The following CREBBP variants were observed in gnomAD, a reference collection of about 807,000 sequenced individuals.
CREBBP encodes the protein CREB-binding protein.
In CREBBP, 19 loss-of-function variants were observed where a neutral mutation model predicts 265.0. That is an observed-to-expected ratio of 0.07 (90% CI 0.05 to 0.11). The LOEUF is 0.11. Ranked by LOEUF, CREBBP falls within the 10% of genes least tolerant of loss-of-function variation. CREBBP has a pLI of 1.00. For synonymous variants in CREBBP, 1,457 were observed against 1,223.7 expected, an observed-to-expected ratio of 1.19 and a Z score of -3.98; for missense variants, 2,525 against 3,219.0, an observed-to-expected ratio of 0.78 and a Z score of 5.22.
intron 3 of CREBBP, among the ~76,000 whole-genome samples, chr16:3,807,835 T>C (rs2053860128): frequency 6.6e-6 from 1 of 152,198 alleles, no homozygotes; most frequent in African/African-American, 2.4e-5. Context: ...CTCTGGTTCC[T>C]ACCACTATGT....
Position 3,739,713 on chromosome 16 carries a change from G to A in CREBBP, c.4145C>T (p.Ser1382Phe), listed in dbSNP as rs149877180. ...TGGGAAAGATTCAGACATTTCCCCA[G>A]AATCCACAAACCTGAAACAAAAGCC... ...KPGMKSRFVDSGEMSESFPYR... is the reference protein window; with the variant it reads ...KPGMKSRFVDFGEMSESFPYR... Residue 1382 changes from serine to phenylalanine, a missense_variant, in exon 25 of 31, where the codon TCT (serine) becomes TTT (phenylalanine). Physicochemically the swap from Ser to Phe is radical, Grantham distance 155 (BLOSUM62 -2). Coordinates refer to ENST00000262367, the MANE Select transcript of CREBBP (RefSeq NM_004380.3). 2.5e-6 allele frequency: 4 copies of A among 1,614,232 alleles called. No individual in the cohort carries two copies. Among genetic ancestry groups the A allele is most frequent in the Non-Finnish European group, 3.4e-6 (4 of 1,180,042 alleles).
At chr16:3,769,474 C>T (rs567311879) in intron 14 of CREBBP, 121 bp from the exon 15 acceptor site, 2 of 1,262,610 alleles carry the variant, frequency 1.6e-6, no homozygotes, top group Non-Finnish European at 1.1e-6. Context: ...CCAGCAGGTG[C>T]CCTTCTGTGA....
chr16:3,859,023 T>A (rs978500967), intron 1 of CREBBP, among the ~76,000 whole-genome samples: 1 of 152,182 alleles, frequency 6.6e-6, no homozygotes, highest in African/African-American at 2.4e-5. Flanking sequence ...CTCTCTCACA[T>A]CCCTATTTCC....
chr16:3,861,532 T>C lies in CREBBP; in HGVS notation c.86-10523A>G, dbSNP rs192475039. Among the ~76,000 whole-genome samples, 23 of 152,142 alleles carry C rather than the reference T, an allele frequency of 1.5e-4. No homozygotes were observed. In the East Asian group the frequency reaches 4.1e-3, roughly 27 times the overall value. On this transcript the variant is annotated intron_variant, in intron 1 of 30. Coordinates refer to ENST00000262367, the MANE Select transcript of CREBBP (RefSeq NM_004380.3). ...AACAGCCGCCACTTATCAATGGTAG[T>C]GACTTGCTAATAAACTCATCCCTGC...
At position 3,793,728 on chromosome 16, in the gene CREBBP, C is replaced by G. The variant is rs538317949; in HGVS notation, c.976-102G>C. On this transcript the variant is annotated intron_variant, in intron 3 of 30. Coordinates refer to ENST00000262367, the MANE Select transcript of CREBBP (RefSeq NM_004380.3). ...AAAAGCAAAAGCTGATGGATAATACCGACCACAGAGAGAAGGCTGGTGTAG... is the reference window on the plus strand; with the variant it reads ...AAAAGCAAAAGCTGATGGATAATACGGACCACAGAGAGAAGGCTGGTGTAG... The G allele has an allele frequency of 1.9e-4, 258 of 1,370,358 alleles. 5 individuals are homozygous for G. In the South Asian group the frequency reaches 3.1e-3, roughly 17 times the overall value. 84.9% of individuals were successfully genotyped at this position (1,370,358 alleles called of 1,614,324 possible). A position where few individuals can be genotyped will look rare whatever the true frequency, so the allele number is the denominator to read the frequency against.
intron 2 of CREBBP, among the ~76,000 whole-genome samples, chr16:3,835,576 CTTTTTTTT>C (rs1021938849): frequency 8.5e-6 from 1 of 117,488 alleles, no homozygotes; most frequent in South Asian, 2.7e-4. Context: ...AAGATTTCTT[CTTTTTTTT>C]TTTTTTTTTT....
At chr16:3,773,592 C>T (rs1181658821) in intron 13 of CREBBP, 159 bp downstream of exon 13, 11 of 762,600 alleles carry the variant, frequency 1.4e-5, no homozygotes, top group African/African-American at 1.8e-5. Context: ...TTAAGGACTA[C>T]AGGACAAAGG....
rs545443236 is a variant in CREBBP at position 3,842,479 on chromosome 16, A to G, written c.798+7818T>C. Among the ~76,000 whole-genome samples the G allele has an allele frequency of 9.2e-5, 14 of 152,318 alleles. No homozygotes were observed. In the South Asian group the frequency reaches 2.9e-3, roughly 32 times the overall value. On this transcript the variant is annotated intron_variant, in intron 2 of 30. Transcript: ENST00000262367. Reference sequence around the variant, plus strand: ...GAAAACAAGAACATGCTCCCCTCATAAGACGAAATGTTAAGTTTTGCTACT... The same window carrying G: ...GAAAACAAGAACATGCTCCCCTCATGAGACGAAATGTTAAGTTTTGCTACT...
intron 21 of CREBBP, chr16:3,745,754 C>T: frequency 5.9e-6 from 2 of 339,418 alleles, no homozygotes; most frequent in Non-Finnish European, 1.1e-5. Flanking sequence ...GAGAACAATA[C>T]TTTGAGTTCT....
chr16:3,810,170 C>T (rs181232750), intron 3 of CREBBP, among the ~76,000 whole-genome samples: 2 of 152,024 alleles, frequency 1.3e-5, no homozygotes, highest in Admixed American at 6.5e-5. Flanking sequence ...TTGTGTTGGA[C>T]GTAATATGCA....
chr16:3,771,134 T>C, intron 13 of CREBBP, 148 bp from the exon 14 acceptor site: 1 of 833,802 alleles, frequency 1.2e-6, no homozygotes, highest in Non-Finnish European at 1.9e-6. Context: ...AATGGTGCGA[T>C]CTCGGCTCAC....
rs1016059134 is a variant in CREBBP, at chr16:3,843,828, G to A, written c.798+6469C>T. ...TTCATGTAATAGATAATTCCAAATC[G>A]ATTTAAACTGTTTCACAGAATAAAT... On this transcript the variant is annotated intron_variant, in intron 2 of 30. Coordinates refer to ENST00000262367, the MANE Select transcript of CREBBP (RefSeq NM_004380.3). Among the ~76,000 whole-genome samples the A allele has an allele frequency of 3.3e-5, 5 of 151,742 alleles. No homozygotes were observed. The East Asian group carries it at 5.8e-4, about 18-fold the overall frequency.
intron 25 of CREBBP, 26 bp from the exon 26 acceptor site, chr16:3,738,698 C>T (rs772035511): frequency 1.1e-5 from 16 of 1,415,884 alleles, no homozygotes; most frequent in Non-Finnish European, 1.5e-5. Context: ...ACATGTTTAA[C>T]TCAGGGTATC....
intron 4 of CREBBP, 29 bp from the exon 5 acceptor site, chr16:3,792,123 T>G (rs933364453): frequency 2.0e-6 from 3 of 1,537,184 alleles, no homozygotes; most frequent in Non-Finnish European, 2.7e-6. Context: ...CGAGATGTTA[T>G]TTTTCTATCC....
At chr16:3,753,168 C>T (rs574297333) in intron 19 of CREBBP, among the ~76,000 whole-genome samples, 5 of 152,182 alleles carry the variant, frequency 3.3e-5, no homozygotes, top group Admixed American at 6.5e-5. Flanking sequence ...GAATGGGACG[C>T]GGCAGCTGCA....
chr16:3,868,572 G>A (rs1168496648), intron 1 of CREBBP, among the ~76,000 whole-genome samples: 1 of 152,112 alleles, frequency 6.6e-6, no homozygotes, highest in African/African-American at 2.4e-5. Context: ...GGACTCCTAG[G>A]TCTGACATTC....
chr16:3,740,984 G>C, intron 23 of CREBBP: 1 of 335,128 alleles, frequency 3.0e-6, no homozygotes, highest in South Asian at 2.5e-5. Flanking sequence ...CGTGAACGTG[G>C]AACGTTCTAG....
In CREBBP at chr16:3,866,039, AG is replaced by A. The variant is rs560256932; in HGVS notation, c.85+13792del. On this transcript the variant is annotated intron_variant, in intron 1 of 30. Coordinates refer to ENST00000262367, the MANE Select transcript of CREBBP (RefSeq NM_004380.3). The stretch of plus-strand genomic sequence containing the variant: ...CACCTGGAATGGTTCCCAGTGCTCC[AG>A]TTTCCAGTTAGGGTCCTTATGATTT... Among the ~76,000 whole-genome samples the A allele has an allele frequency of 1.0e-3, 157 of 152,338 alleles. 1 individual carries two copies. Among genetic ancestry groups the A allele is most frequent in the African/African-American group, 3.6e-3 (150 of 41,564 alleles).
chr16:3,749,353 C>A (rs976377455), intron 21 of CREBBP, among the ~76,000 whole-genome samples: 1 of 152,130 alleles, frequency 6.6e-6, no homozygotes, highest in African/African-American at 2.4e-5. Flanking sequence ...TTAAAGACAC[C>A]CATGACCAAA....
Sources: gnomAD v4.1 joint callset for allele counts (sites outside exome capture counted in the v4.1 genomes callset) on GRCh38, gnomAD v4.1.1 for gene constraint, MANE v1.5 for transcripts, NCBI Gene and HGNC (gene_info 2026-07-23, HGNC 2026-07-21) for gene names.